The following CAMTA1 variants were observed in gnomAD, a reference collection of about 807,000 sequenced individuals.
CAMTA1 encodes the protein calmodulin-binding transcription activator 1.
Under a neutral mutation model 170.9 loss-of-function variants are expected in CAMTA1, and 27 were observed. The ratio of observed to expected loss-of-function variants is 0.16; its 90% CI spans 0.12 to 0.22. The LOEUF is 0.22. Among genes scored for constraint, CAMTA1 ranks in the 10% least tolerant of loss-of-function variants. The pLI is 1.00. For missense variants in CAMTA1, 1,619 were observed against 2,217.2 expected, an observed-to-expected ratio of 0.73 and a Z score of 5.42; for synonymous variants, 833 against 891.5, an observed-to-expected ratio of 0.93 and a Z score of 1.17.
In CAMTA1 at chr1:7,325,329, T is replaced by C. The variant is rs1044148771; in HGVS notation, c.438+75703T>C. 1.3e-5 allele frequency among the ~76,000 whole-genome samples: 2 copies of C among 152,198 alleles called. No homozygotes were observed. The highest frequency in any genetic ancestry group is 2.9e-5 in the Non-Finnish European group (2 of 68,028). Reference sequence around the variant, plus strand: ...GCTGGGAATGCAAATGGCAGTTTTCTGTGGAGTGCTCAGGGGCGGCCTTGA... The same window carrying C: ...GCTGGGAATGCAAATGGCAGTTTTCCGTGGAGTGCTCAGGGGCGGCCTTGA... On this transcript the variant is annotated intron_variant, in intron 5 of 22. Coordinates refer to ENST00000303635, the MANE Select transcript of CAMTA1 (RefSeq NM_015215.4). This position sits in a 1 kb window ranked among gnomAD's most constrained non-coding sequence, Gnocchi z 5.0.
intron 11 of CAMTA1, among the ~76,000 whole-genome samples, chr1:7,725,573 G>A (rs2096679547): frequency 1.3e-5 from 2 of 152,238 alleles, no homozygotes; most frequent in Admixed American, 1.3e-4. Flanking sequence ...TTCTGTTTGA[G>A]CAGGTGGTTC....
intron 5 of CAMTA1, among the ~76,000 whole-genome samples, chr1:7,413,116 T>G (rs570356276): frequency 9.0e-4 from 132 of 145,886 alleles, no homozygotes; most frequent in South Asian, 1.1e-3. Context: ...TTGATCTATA[T>G]CTCTGTTTTG....
rs369982038 is a variant in CAMTA1, at chr1:7,608,068, G to A, written c.511-32332G>A. On this transcript the variant is annotated intron_variant, in intron 6 of 22. Coordinates refer to ENST00000303635, the MANE Select transcript of CAMTA1 (RefSeq NM_015215.4). Reference sequence around the variant, plus strand: ...AGCCCCTGTCCTCAACTGGGTCAAGGAGCCAATTTTTCTGGCCCCTGCAGG... The same window carrying A: ...AGCCCCTGTCCTCAACTGGGTCAAGAAGCCAATTTTTCTGGCCCCTGCAGG... 2.0e-5 allele frequency among the ~76,000 whole-genome samples: 3 copies of A among 152,162 alleles called. No homozygotes were observed. In the East Asian group the frequency reaches 5.8e-4, roughly 29 times the overall value.
Position 7,300,941 on chromosome 1 carries a change from A to G in CAMTA1, c.438+51315A>G, listed in dbSNP as rs1574523158. Among the ~76,000 whole-genome samples the G allele has an allele frequency of 6.6e-6, 1 of 152,262 alleles. No individual in the cohort carries two copies. Among genetic ancestry groups the G allele is most frequent in the Admixed American group, 6.5e-5 (1 of 15,294 alleles). ...TACTAGAATATAGCTTCTAAATTGC[A>G]TATCATAGATGAGATACAACACACA... On this transcript the variant is annotated intron_variant, in intron 5 of 22. Coordinates refer to ENST00000303635, the MANE Select transcript of CAMTA1 (RefSeq NM_015215.4). The surrounding 1 kb of genome is among the most constrained non-coding windows in gnomAD (Gnocchi z 4.1).
chr1:7,656,581 C>A (rs750346124), intron 7 of CAMTA1, among the ~76,000 whole-genome samples: 1 of 152,238 alleles, frequency 6.6e-6, no homozygotes, highest in African/African-American at 2.4e-5. Flanking sequence ...AATAGGACGG[C>A]CCTACCGTGG....
chr1:6,833,655 CAAA>C (rs1557657573), intron 3 of CAMTA1, among the ~76,000 whole-genome samples: 2 of 152,120 alleles, frequency 1.3e-5, no homozygotes, highest in Non-Finnish European at 2.9e-5. Context: ...AGCCTTGGCA[CAAA>C]TACATCATTT....
chr1:7,607,301 T>G lies in CAMTA1; in HGVS notation c.511-33099T>G, dbSNP rs548086411. 2.0e-5 allele frequency among the ~76,000 whole-genome samples: 3 copies of G among 150,218 alleles called. No homozygotes were observed. In the East Asian group the frequency reaches 6.0e-4, roughly 30 times the overall value. ...ATGGATGGATGGGTGTGTGGATGGT[T>G]GGATGGAATGGTAGGTGGGTGGATG... On this transcript the variant is annotated intron_variant, in intron 6 of 22. Coordinates refer to ENST00000303635, the MANE Select transcript of CAMTA1 (RefSeq NM_015215.4).
chr1:7,168,334 T>TG (rs1648922036), intron 4 of CAMTA1, among the ~76,000 whole-genome samples: 1 of 152,230 alleles, frequency 6.6e-6, no homozygotes, highest in Non-Finnish European at 1.5e-5. Context: ...TTCTTATTCT[T>TG]GCATTACTGA....
chr1:6,944,578 C>A (rs1245090695), intron 3 of CAMTA1, among the ~76,000 whole-genome samples: 1 of 152,182 alleles, frequency 6.6e-6, no homozygotes, highest in Admixed American at 6.5e-5. Context: ...CCCAGGCGGT[C>A]CCATGCTGTC....
intron 6 of CAMTA1, among the ~76,000 whole-genome samples, 196 bp from the exon 7 acceptor site, chr1:7,640,204 G>GCCGGAC (rs1288755907): frequency 2.6e-5 from 4 of 152,124 alleles, no homozygotes; most frequent in Non-Finnish European, 5.9e-5. Flanking sequence ...AGAGGCCAGC[G>GCCGGAC]AGTCTGCTAA....
intron 5 of CAMTA1, among the ~76,000 whole-genome samples, chr1:7,378,450 C>T (rs767528158): frequency 2.2e-4 from 34 of 152,220 alleles, no homozygotes; most frequent in African/African-American, 5.8e-4. Context: ...TATGAACCCA[C>T]GCTACCACCA....
chr1:7,104,519 A>G (rs1230556590), intron 4 of CAMTA1, among the ~76,000 whole-genome samples: 1 of 152,132 alleles, frequency 6.6e-6, no homozygotes, highest in Non-Finnish European at 1.5e-5. Flanking sequence ...GGAGAGCCAG[A>G]GGAGCTCTGG....
rs1052402786 is a variant in CAMTA1, at chr1:7,681,846, C to T, written c.2914+4113C>T. 1.3e-5 allele frequency among the ~76,000 whole-genome samples: 2 copies of T among 152,212 alleles called. No homozygotes were observed. The highest frequency in any genetic ancestry group is 4.8e-5 in the African/African-American group (2 of 41,454). On this transcript the variant is annotated intron_variant, in intron 11 of 22. Coordinates refer to ENST00000303635, the MANE Select transcript of CAMTA1 (RefSeq NM_015215.4). This position sits in a 1 kb window ranked among gnomAD's most constrained non-coding sequence, Gnocchi z 4.6. ...CTGAGGGGATGGGGCGGGCCCTCTTCTGGCCAAGGACACTGGGACACCTTT... is the reference window on the plus strand; with the variant it reads ...CTGAGGGGATGGGGCGGGCCCTCTTTTGGCCAAGGACACTGGGACACCTTT...
intron 11 of CAMTA1, among the ~76,000 whole-genome samples, chr1:7,705,947 G>C (rs2096520131): frequency 6.6e-6 from 1 of 152,204 alleles, no homozygotes; most frequent in South Asian, 2.1e-4. Flanking sequence ...TCGGAGCTCT[G>C]GTGATTGGGT....
chr1:7,303,024 C>T (rs914231615), intron 5 of CAMTA1, among the ~76,000 whole-genome samples: 58 of 152,140 alleles, frequency 3.8e-4, no homozygotes, highest in African/African-American at 1.3e-3. Context: ...GTGTCTGTGT[C>T]CTCATTCATG....
chr1:7,130,084 G>A (rs947770950), intron 4 of CAMTA1, among the ~76,000 whole-genome samples: 4 of 151,966 alleles, frequency 2.6e-5, no homozygotes, highest in Admixed American at 6.6e-5. Context: ...CTACAGGCAC[G>A]TGCGTCACTA....
chr1:6,888,194 T>C, intron 3 of CAMTA1: 2 of 986,578 alleles, frequency 2.0e-6, no homozygotes, highest in African/African-American at 1.7e-5. Context: ...TAAACGCTGT[T>C]GAACGAATGT....
At chr1:7,267,583 G>T (rs1669123089) in intron 5 of CAMTA1, among the ~76,000 whole-genome samples, 1 of 152,184 alleles carries the variant, frequency 6.6e-6, no homozygotes, top group African/African-American at 2.4e-5. Flanking sequence ...TAACTGTTCA[G>T]ACCTACCAGC....
At chr1:6,805,924 G>C (rs750245869) in intron 1 of CAMTA1, among the ~76,000 whole-genome samples, 1 of 151,468 alleles carries the variant, frequency 6.6e-6, no homozygotes, top group Non-Finnish European at 1.5e-5. Flanking sequence ...ATCATAATAA[G>C]AAACCATTGT....
Sources: gnomAD v4.1 joint callset for allele counts (sites outside exome capture counted in the v4.1 genomes callset) on GRCh38, gnomAD v4.1.1 for gene constraint, Gnocchi (gnomAD v3.1) non-coding constraint, MANE v1.5 for transcripts, NCBI Gene and HGNC (gene_info 2026-07-23, HGNC 2026-07-21) for gene names.